The following WDFY3 variants were observed in gnomAD, a reference collection of about 807,000 sequenced individuals.
The protein encoded by WDFY3 is WD repeat and FYVE domain containing 3.
WDFY3 carries 66 observed loss-of-function variants against 409.6 expected under a neutral mutation model. That is an observed-to-expected ratio of 0.16 (90% CI 0.13 to 0.20). The LOEUF is 0.20. Ranked by LOEUF, WDFY3 falls within the 10% of genes least tolerant of loss-of-function variation. The pLI, the probability that WDFY3 is intolerant of heterozygous loss-of-function variation, is 1.00. For synonymous variants in WDFY3, 1,521 were observed against 1,537.1 expected (o/e 0.99, Z 0.25); for missense variants, 3,031 against 4,298.1 (o/e 0.71, Z 8.24).
intron 62 of WDFY3, among the ~76,000 whole-genome samples, chr4:84,685,427 A>G (rs991401487): frequency 6.6e-6 from 1 of 152,164 alleles, no homozygotes; most frequent in Non-Finnish European, 1.5e-5. Context: ...AAACCAAAAC[A>G]ATACTTAGCA....
chr4:84,682,598 A>T, intron 63 of WDFY3, 128 bp from the exon 64 acceptor site: 1 of 752,922 alleles, frequency 1.3e-6, no homozygotes. Flanking sequence ...ATACAGTTAG[A>T]TTTCCCGTAT....
At chr4:84,855,881 A>G (rs189039671) in intron 4 of WDFY3, among the ~76,000 whole-genome samples, 7 of 152,216 alleles carry the variant, frequency 4.6e-5, no homozygotes, top group Non-Finnish European at 1.0e-4. Context: ...CAGAATGCCT[A>G]ACTCAGTCCC....
intron 33 of WDFY3, among the ~76,000 whole-genome samples, chr4:84,755,782 G>A (rs1741332305): frequency 6.6e-6 from 1 of 151,636 alleles, no homozygotes; most frequent in Non-Finnish European, 1.5e-5. Context: ...CCCATTCTCA[G>A]CAGTATTTTA....
At chr4:84,949,188 A>G (rs146401219) in intron 1 of WDFY3, among the ~76,000 whole-genome samples, 1 of 152,308 alleles carries the variant, frequency 6.6e-6, no homozygotes, top group Non-Finnish European at 1.5e-5. Context: ...TATCACAAAT[A>G]CAACAAAGCT....
intron 16 of WDFY3, among the ~76,000 whole-genome samples, chr4:84,802,406 C>G (rs901598441): frequency 1.3e-5 from 2 of 151,872 alleles, no homozygotes; most frequent in African/African-American, 4.8e-5. Context: ...ACTACAGGTG[C>G]CTGCCACCAT....
At chr4:84,940,696 C>G (rs1771995886) in intron 1 of WDFY3, among the ~76,000 whole-genome samples, 2 of 151,862 alleles carry the variant, frequency 1.3e-5, no homozygotes, top group Non-Finnish European at 2.9e-5. Context: ...ATCCTGATAT[C>G]AAAACCAGAC....
At chr4:84,741,589 A>T (rs1230103494) in intron 38 of WDFY3, among the ~76,000 whole-genome samples, 172 bp downstream of exon 38, 5 of 152,152 alleles carry the variant, frequency 3.3e-5, no homozygotes, top group Admixed American at 2.6e-4. Context: ...TGCTGATACT[A>T]CAGGTGTGAG....
intron 32 of WDFY3, among the ~76,000 whole-genome samples, chr4:84,764,964 T>C (rs1364422921): frequency 1.3e-5 from 2 of 152,192 alleles, no homozygotes; most frequent in Admixed American, 6.5e-5. Flanking sequence ...ACTTTTTTTC[T>C]ATAAATGAAT....
intron 3 of WDFY3, among the ~76,000 whole-genome samples, chr4:84,861,124 T>C (rs1208650730): frequency 1.3e-5 from 2 of 152,126 alleles, no homozygotes; most frequent in African/African-American, 2.4e-5. Context: ...GGTGGGAAGA[T>C]AACTTGAGCC....
At chr4:84,754,625 G>A (rs1741117578) in intron 34 of WDFY3, among the ~76,000 whole-genome samples, 1 of 152,068 alleles carries the variant, frequency 6.6e-6, no homozygotes, top group Non-Finnish European at 1.5e-5. Flanking sequence ...CAGTATTCCT[G>A]TCAGATCAAC....
chr4:84,809,755 A>C, intron 14 of WDFY3, 132 bp downstream of exon 14: 1 of 818,872 alleles, frequency 1.2e-6, no homozygotes, highest in African/African-American at 1.8e-5. Flanking sequence ...AAATAAAGTG[A>C]TACACTTCAA....
At chr4:84,768,977 C>T (rs1421894396) in intron 30 of WDFY3, among the ~76,000 whole-genome samples, 1 of 152,010 alleles carries the variant, frequency 6.6e-6, no homozygotes, top group Admixed American at 6.6e-5. Flanking sequence ...AAGTTGATTC[C>T]AATTCTTATG....
At chr4:84,849,405 T>A (rs1758562205) in intron 5 of WDFY3, among the ~76,000 whole-genome samples, 1 of 152,118 alleles carries the variant, frequency 6.6e-6, no homozygotes. Context: ...CATGACTTAA[T>A]CATGCTGACA....
intron 54 of WDFY3, 24 bp from the exon 55 acceptor site, chr4:84,704,468 A>G: frequency 6.6e-7 from 1 of 1,513,674 alleles, no homozygotes; most frequent in Non-Finnish European, 9.0e-7. Flanking sequence ...TTAAAGCACA[A>G]TTGAAACCAA....
chr4:84,855,868 G>A (rs1036652622), intron 4 of WDFY3, among the ~76,000 whole-genome samples: 1 of 152,172 alleles, frequency 6.6e-6, no homozygotes, highest in Admixed American at 6.5e-5. Context: ...AGTCTGAGAA[G>A]AACAGAATGC....
intron 64 of WDFY3, 115 bp downstream of exon 64, chr4:84,682,259 T>C: frequency 1.1e-6 from 1 of 894,958 alleles, no homozygotes; most frequent in Non-Finnish European, 1.7e-6. Flanking sequence ...ACCATGCTTC[T>C]CCAAGCAGTG....
chr4:84,677,048 A>G, intron 67 of WDFY3, 151 bp downstream of exon 67: 1 of 876,492 alleles, frequency 1.1e-6, no homozygotes, highest in Non-Finnish European at 1.7e-6. Context: ...TTGTAGTAAT[A>G]AAGAAGAACA....
chr4:84,830,630 T>C (rs1335157451), intron 8 of WDFY3, among the ~76,000 whole-genome samples: 1 of 152,208 alleles, frequency 6.6e-6, no homozygotes, highest in Non-Finnish European at 1.5e-5. Flanking sequence ...ACAGACATTT[T>C]AAAAGATAGC....
At chr4:84,949,587 T>C (rs1029949757) in intron 1 of WDFY3, among the ~76,000 whole-genome samples, 11 of 152,216 alleles carry the variant, frequency 7.2e-5, no homozygotes, top group African/African-American at 2.4e-4. Context: ...TTCTGAACAA[T>C]GCTGAATTCT....
Sources: gnomAD v4.1 joint callset for allele counts (sites outside exome capture counted in the v4.1 genomes callset) on GRCh38, gnomAD v4.1.1 for gene constraint, MANE v1.5 for transcripts, NCBI Gene and HGNC (gene_info 2026-07-23, HGNC 2026-07-21) for gene names.